PRKAG2: variants seen among roughly 807,000 people sequenced by gnomAD.
PRKAG2 encodes 5'-AMP-activated protein kinase subunit gamma-2.
PRKAG2 carries 26 observed loss-of-function variants against 69.6 expected under a neutral mutation model. The ratio of observed to expected loss-of-function variants is 0.37; its 90% CI spans 0.27 to 0.52. The LOEUF (loss-of-function observed/expected upper bound fraction) is 0.52. PRKAG2 is among the 20% of genes least tolerant of loss of function. PRKAG2 has a pLI of 0.90. For synonymous variants in PRKAG2, 293 were observed against 285.0 expected (o/e 1.03, Z -0.28); for missense variants, 557 against 740.0 (o/e 0.75, Z 2.87).
chr7:151,796,888 G>T (rs2077568902), intron 1 of PRKAG2, among the ~76,000 whole-genome samples: 1 of 152,196 alleles, frequency 6.6e-6, no homozygotes, highest in Non-Finnish European at 1.5e-5. Flanking sequence ...ACTGTCTTCA[G>T]CTCTGACATT....
At chr7:151,673,597 C>T (rs1832414823) in intron 4 of PRKAG2, among the ~76,000 whole-genome samples, 1 of 152,154 alleles carries the variant, frequency 6.6e-6, no homozygotes, top group African/African-American at 2.4e-5. Context: ...TAATACTTTG[C>T]TACACCTGTG....
chr7:151,568,929 T>C lies in PRKAG2; in HGVS notation c.1107-87A>G, dbSNP rs1249427220. ...TACCCCTGCCTTAAAGCACTTCCAG[T>C]GTTTTTATTATTGCAATAATAACAG... On this transcript the variant is annotated intron_variant, in intron 10 of 15. Transcript: ENST00000287878. The C allele has an allele frequency of 4.8e-6, 7 of 1,446,626 alleles. No individual in the cohort carries two copies. In the African/African-American group the frequency reaches 9.8e-5, roughly 20 times the overall value. 89.6% of individuals were successfully genotyped at this position (1,446,626 alleles called of 1,614,324 possible). A position where few individuals can be genotyped will look rare whatever the true frequency, so the allele number is the denominator to read the frequency against.
At chr7:151,734,711 G>A (rs1243822907) in intron 3 of PRKAG2, among the ~76,000 whole-genome samples, 2 of 151,968 alleles carry the variant, frequency 1.3e-5, no homozygotes, top group East Asian at 1.9e-4. Context: ...CACCATGCTC[G>A]GCTAACTTTT....
At chr7:151,683,814 G>A (rs1451481563) in intron 3 of PRKAG2, among the ~76,000 whole-genome samples, 1 of 152,172 alleles carries the variant, frequency 6.6e-6, no homozygotes, top group Admixed American at 6.5e-5. Context: ...CAGCAGGCAG[G>A]CGGAGACCCT....
At chr7:151,866,907 G>A (rs984265673) in intron 1 of PRKAG2, among the ~76,000 whole-genome samples, 29 of 151,662 alleles carry the variant, frequency 1.9e-4, no homozygotes, top group African/African-American at 6.8e-4. Flanking sequence ...AGTCTTGGTG[G>A]CCACCCAGGA....
chr7:151,846,202 C>T (rs1028885741), intron 1 of PRKAG2, among the ~76,000 whole-genome samples: 5 of 152,122 alleles, frequency 3.3e-5, no homozygotes, highest in Non-Finnish European at 7.4e-5. Context: ...AGGCCGGGCG[C>T]GGTGGTTCAC....
chr7:151,855,073 CACCAT>C lies in PRKAG2; in HGVS notation c.114+21429_114+21433del, dbSNP rs1350515084. Among the ~76,000 whole-genome samples, 5 of 54,968 alleles carry C rather than the reference CACCAT, an allele frequency of 9.1e-5. 1 individual carries two copies. Among genetic ancestry groups the C allele is most frequent in the Admixed American group, 4.1e-4 (2 of 4,840 alleles). 36.1% of individuals were successfully genotyped at this position (54,968 alleles called of 152,430 possible). A position where few individuals can be genotyped will look rare whatever the true frequency, so the allele number is the denominator to read the frequency against. ...CTCCACACACACCATCCTCCACACA[CACCAT>C]CCTCCACACACACCATCCTCCACAC... On this transcript the variant is annotated intron_variant, in intron 1 of 15. Transcript: ENST00000287878.
chr7:151,666,123 A>G (rs1831014467), intron 4 of PRKAG2, among the ~76,000 whole-genome samples: 1 of 152,226 alleles, frequency 6.6e-6, no homozygotes, highest in African/African-American at 2.4e-5. Flanking sequence ...TCCATAACAA[A>G]TCACCAAAAA....
chr7:151,564,907 A>G (rs994571626), intron 13 of PRKAG2, among the ~76,000 whole-genome samples: 5 of 152,114 alleles, frequency 3.3e-5, no homozygotes, highest in Admixed American at 6.5e-5. Flanking sequence ...TGGCGTGCAC[A>G]TTTGGGGCTA....
In PRKAG2 at chr7:151,781,614, C is replaced by G. The variant is rs111812568; in HGVS notation, c.187-183G>C. The stretch of plus-strand genomic sequence containing the variant: ...GAATGGTCTGCAGGTAGCACCTGCC[C>G]CAAGGATGGCCCCTCACAGGCTGGC... On this transcript the variant is annotated intron_variant, in intron 2 of 15. Transcript: ENST00000287878. The surrounding 1 kb of genome is among the most constrained non-coding windows in gnomAD (Gnocchi z 6.1). Among the ~76,000 whole-genome samples, 179 of 152,276 alleles carry G rather than the reference C, an allele frequency of 1.2e-3. No individual in the cohort carries two copies. The highest frequency in any genetic ancestry group is 4.1e-3 in the African/African-American group (172 of 41,556).
intron 1 of PRKAG2, among the ~76,000 whole-genome samples, chr7:151,868,964 T>C (rs977457549): frequency 2.6e-5 from 4 of 152,254 alleles, no homozygotes; most frequent in African/African-American, 9.6e-5. Context: ...TCTGAGTAGA[T>C]GAAGAGGCGT....
chr7:151,712,005 C>T (rs777605058), intron 3 of PRKAG2, among the ~76,000 whole-genome samples: 5 of 152,230 alleles, frequency 3.3e-5, no homozygotes, highest in Admixed American at 2.6e-4. Flanking sequence ...GGTGGCTGGG[C>T]TGTGTCTCGG....
At chr7:151,624,903 T>C (rs137973952) in intron 5 of PRKAG2, among the ~76,000 whole-genome samples, 6 of 152,340 alleles carry the variant, frequency 3.9e-5, no homozygotes, top group Admixed American at 6.5e-5. Context: ...AGAAATAACA[T>C]TGACCACCTG....
At chr7:151,803,937 CAAAAAAA>C (rs71198732) in intron 1 of PRKAG2, among the ~76,000 whole-genome samples, 4 of 107,056 alleles carry the variant, frequency 3.7e-5, no homozygotes, top group South Asian at 3.2e-4. Flanking sequence ...GACTATGTCT[CAAAAAAA>C]AAAAAAAAAA....
intron 5 of PRKAG2, among the ~76,000 whole-genome samples, chr7:151,628,668 T>C (rs1174420058): frequency 1.3e-5 from 2 of 151,720 alleles, no homozygotes; most frequent in African/African-American, 4.9e-5. Flanking sequence ...ATCGCATCAC[T>C]GTACTTCACC....
intron 4 of PRKAG2, among the ~76,000 whole-genome samples, chr7:151,643,462 A>T (rs1827086797): frequency 6.6e-6 from 1 of 152,222 alleles, no homozygotes; most frequent in Non-Finnish European, 1.5e-5. Flanking sequence ...AGCCCCTTTA[A>T]ATCCCATATT....
At chr7:151,631,749 T>C (rs1585365266) in intron 5 of PRKAG2, 1 of 469,452 alleles carries the variant, frequency 2.1e-6, no homozygotes, top group Non-Finnish European at 4.2e-6. Context: ...CACAAACAAT[T>C]AGCGCTCCCT....
At chr7:151,736,296 G>T in intron 3 of PRKAG2, 1 of 1,208,436 alleles carries the variant, frequency 8.3e-7, no homozygotes, top group Non-Finnish European at 1.0e-6. Context: ...TCCTTAAGTA[G>T]CAAGAAGCTG....
At chr7:151,766,782 C>A (rs2075754844) in intron 3 of PRKAG2, among the ~76,000 whole-genome samples, 1 of 152,244 alleles carries the variant, frequency 6.6e-6, no homozygotes. Context: ...CCAGTCCGGC[C>A]TACCACTAAC....
Sources: gnomAD v4.1 joint callset for allele counts (sites outside exome capture counted in the v4.1 genomes callset) on GRCh38, gnomAD v4.1.1 for gene constraint, Gnocchi (gnomAD v3.1) non-coding constraint, MANE v1.5 for transcripts, NCBI Gene and HGNC (gene_info 2026-07-23, HGNC 2026-07-21) for gene names.